Variants in FHIP1A observed in about 807,000 individuals in gnomAD.
FHIP1A encodes the protein FHF complex subunit HOOK interacting protein 1A.
In FHIP1A, 61 loss-of-function variants were observed where a neutral mutation model predicts 88.6. The observed-to-expected ratio is 0.69, with a 90% CI of 0.56 to 0.85. The LOEUF (loss-of-function observed/expected upper bound fraction) is 0.85, where lower values mean the gene tolerates loss of function less well. FHIP1A is among the 40% of genes least tolerant of loss of function. The probability of loss-of-function intolerance (pLI) is 0.00; values close to 1 mark genes in which losing one functional copy is unlikely to be tolerated. For missense variants in FHIP1A, 1,154 were observed against 1,273.5 expected (o/e 0.91, Z 1.43); for synonymous variants, 478 against 496.0 (o/e 0.96, Z 0.48).
chr4:151,534,274 A>G (rs945943925), intron 3 of FHIP1A, among the ~76,000 whole-genome samples: 2 of 152,272 alleles, frequency 1.3e-5, no homozygotes, highest in African/African-American at 4.8e-5. Flanking sequence ...TCACTATGTT[A>G]TGTTAAAGGT....
chr4:151,555,469 T>G (rs1024011860), intron 3 of FHIP1A, among the ~76,000 whole-genome samples: 4 of 152,156 alleles, frequency 2.6e-5, no homozygotes, highest in Non-Finnish European at 5.9e-5. Context: ...CCTCCTCTTA[T>G]TTTTTGAAAC....
intron 3 of FHIP1A, among the ~76,000 whole-genome samples, chr4:151,494,429 G>A (rs1433345829): frequency 6.6e-6 from 1 of 152,102 alleles, no homozygotes; most frequent in African/African-American, 2.4e-5. Context: ...TGAATAGGGA[G>A]TCCTTTCCCC....
intron 3 of FHIP1A, among the ~76,000 whole-genome samples, chr4:151,545,780 T>G (rs569964302): frequency 1.1e-4 from 16 of 152,318 alleles, no homozygotes; most frequent in Non-Finnish European, 1.6e-4. Context: ...TTATTTTGAA[T>G]TAAAATTTCC....
chr4:151,568,123 G>C (rs983734040), intron 4 of FHIP1A, among the ~76,000 whole-genome samples: 1 of 152,128 alleles, frequency 6.6e-6, no homozygotes, highest in Non-Finnish European at 1.5e-5. Flanking sequence ...CCAGTACATT[G>C]TGTCACATTG....
chr4:151,540,933 C>T (rs925999535), intron 3 of FHIP1A, among the ~76,000 whole-genome samples: 2 of 152,160 alleles, frequency 1.3e-5, no homozygotes, highest in African/African-American at 4.8e-5. Context: ...TAAAAATTTT[C>T]CTTATCTTGA....
intron 2 of FHIP1A, among the ~76,000 whole-genome samples, chr4:151,467,996 A>G (rs549588594): frequency 1.3e-5 from 2 of 151,814 alleles, no homozygotes; most frequent in Non-Finnish European, 2.9e-5. Context: ...TAAAAAAAAA[A>G]AAAAAAAGCC....
intron 7 of FHIP1A, among the ~76,000 whole-genome samples, chr4:151,619,079 A>T (rs1735646409): frequency 6.6e-6 from 1 of 152,168 alleles, no homozygotes; most frequent in Non-Finnish European, 1.5e-5. Context: ...GCGGGAGCTG[A>T]TACCTGAGAA....
chr4:151,650,629 G>C, intron 11 of FHIP1A, 37 bp downstream of exon 11: 3 of 1,515,968 alleles, frequency 2.0e-6, no homozygotes, highest in Non-Finnish European at 2.7e-6. Context: ...TTCTGCTTTC[G>C]AAAGTACTTG....
intron 7 of FHIP1A, among the ~76,000 whole-genome samples, chr4:151,593,105 A>G (rs1162823205): frequency 3.3e-5 from 5 of 151,976 alleles, no homozygotes; most frequent in African/African-American, 1.2e-4. Context: ...GGTCTCTGTT[A>G]TGTTCCGCTG....
At chr4:151,515,147 AAT>A (rs1403808653) in intron 3 of FHIP1A, among the ~76,000 whole-genome samples, 1 of 152,216 alleles carries the variant, frequency 6.6e-6, no homozygotes, top group African/African-American at 2.4e-5. Context: ...AGACTGGTTC[AAT>A]ATATGCAAAT....
rs532006963 is a variant in FHIP1A, at chr4:151,551,946, A to G, written c.-122-14192A>G. ...AATCTACCCATCTGACAAAGGGCTAATATCCAGAATCTACAAAGAACTCAA... is the reference window on the plus strand; with the variant it reads ...AATCTACCCATCTGACAAAGGGCTAGTATCCAGAATCTACAAAGAACTCAA... On this transcript the variant is annotated intron_variant, in intron 3 of 13. Transcript: ENST00000435205. 3.3e-5 allele frequency among the ~76,000 whole-genome samples: 5 copies of G among 152,360 alleles called. 1 individual carries two copies. The South Asian group carries it at 1.0e-3, about 32-fold the overall frequency.
At chr4:151,421,443 AT>A (rs1287049284) in intron 1 of FHIP1A, among the ~76,000 whole-genome samples, 1 of 152,054 alleles carries the variant, frequency 6.6e-6, no homozygotes, top group East Asian at 1.9e-4. Context: ...CTTTTAACAT[AT>A]TTTAGTTTAC....
intron 3 of FHIP1A, among the ~76,000 whole-genome samples, chr4:151,555,524 T>G (rs1452844422): frequency 6.6e-6 from 1 of 152,194 alleles, no homozygotes; most frequent in South Asian, 2.1e-4. Flanking sequence ...TTATTTTACT[T>G]TTTTGAAATA....
intron 11 of FHIP1A, among the ~76,000 whole-genome samples, chr4:151,653,284 C>T (rs980663476): frequency 6.6e-6 from 1 of 152,024 alleles, no homozygotes; most frequent in Non-Finnish European, 1.5e-5. Flanking sequence ...GATGAGACAG[C>T]TCTGTATGTG....
chr4:151,656,762 C>T lies in FHIP1A; in HGVS notation c.2733C>T (p.Val911=). Reference sequence around the variant, plus strand: ...ATCAGTAATGCTGTTTTTGACAGGTCCTTGCATCTGTGAAAAACAAGATTG... The same window carrying T: ...ATCAGTAATGCTGTTTTTGACAGGTTCTTGCATCTGTGAAAAACAAGATTG... ...FQPSVRSLYQ[V]LASVKNKIEQ... is the part of the protein sequence containing the mutation. The change falls in exon 13 of 14, where the codon GTC becomes GTT. Residue 911 remains valine, a splice_region_variant and synonymous_variant. Coordinates refer to ENST00000435205, the MANE Select transcript of FHIP1A (RefSeq NM_001109977.3). The surrounding 1 kb of genome is among the most constrained non-coding windows in gnomAD (Gnocchi z 4.2). 1 of 1,550,336 alleles carries T rather than the reference C, an allele frequency of 6.5e-7. No homozygotes were observed. Among genetic ancestry groups the T allele is most frequent in the Non-Finnish European group, 8.7e-7 (1 of 1,146,516 alleles).
intron 5 of FHIP1A, among the ~76,000 whole-genome samples, chr4:151,580,752 G>A (rs1338592424): frequency 1.3e-5 from 2 of 151,882 alleles, no homozygotes; most frequent in African/African-American, 2.4e-5. Context: ...ATACATCAGT[G>A]GAATACTTTT....
At chr4:151,564,291 C>T (rs1284001187) in intron 3 of FHIP1A, among the ~76,000 whole-genome samples, 2 of 152,110 alleles carry the variant, frequency 1.3e-5, no homozygotes, top group East Asian at 1.9e-4. Flanking sequence ...TGATTTTCTT[C>T]GTTATGATCA....
intron 11 of FHIP1A, among the ~76,000 whole-genome samples, chr4:151,653,354 G>C (rs1354650229): frequency 6.6e-6 from 1 of 151,952 alleles, no homozygotes; most frequent in African/African-American, 2.4e-5. Flanking sequence ...CTCTGTGTGT[G>C]TGTCTCTCTC....
At chr4:151,561,033 T>G (rs1253695697) in intron 3 of FHIP1A, among the ~76,000 whole-genome samples, 3 of 152,190 alleles carry the variant, frequency 2.0e-5, no homozygotes, top group Non-Finnish European at 4.4e-5. Context: ...CACTTGGGTA[T>G]GACATAGTTG....
Sources: allele counts gnomAD v4.1 joint callset (sites outside exome capture counted in the v4.1 genomes callset), GRCh38; gene constraint gnomAD v4.1.1; non-coding constraint Gnocchi (gnomAD v3.1); transcripts MANE v1.5; gene names NCBI Gene and HGNC (gene_info 2026-07-23, HGNC 2026-07-21).